The following TBC1D19 variants were observed in gnomAD, a reference collection of about 807,000 sequenced individuals.
TBC1D19 encodes the protein TBC1 domain family, member 19.
In TBC1D19, 60 loss-of-function variants were observed where a neutral mutation model predicts 89.0. The observed-to-expected ratio is 0.67, with a 90% confidence interval of 0.55 to 0.84. TBC1D19 has a LOEUF of 0.84. Among genes scored for constraint, TBC1D19 ranks in the 40% least tolerant of loss-of-function variants. The pLI is 0.00. For missense variants in TBC1D19, 500 were observed against 610.8 expected (o/e 0.82, Z 1.91); for synonymous variants, 189 against 199.7 (o/e 0.95, Z 0.45).
At chr4:26,749,421 T>G (rs937323973) in intron 19 of TBC1D19, among the ~76,000 whole-genome samples, 4 of 151,014 alleles carry the variant, frequency 2.6e-5, no homozygotes, top group African/African-American at 9.7e-5. Flanking sequence ...GAAGATTCTC[T>G]AGGTATCATA....
intron 15 of TBC1D19, among the ~76,000 whole-genome samples, chr4:26,728,022 C>G (rs1274803375): frequency 1.3e-5 from 2 of 152,202 alleles, no homozygotes; most frequent in South Asian, 2.1e-4. Context: ...CATGACTCAT[C>G]TTAATACTTG....
At chr4:26,702,987 A>C (rs182880631) in intron 13 of TBC1D19, among the ~76,000 whole-genome samples, 1 of 152,328 alleles carries the variant, frequency 6.6e-6, no homozygotes, top group Non-Finnish European at 1.5e-5. Context: ...ATTTCATTTC[A>C]TATAATGTCC....
At chr4:26,810,403 A>G in the TBC1D19 span, among the ~76,000 whole-genome samples, 1 of 152,182 alleles carries the variant, frequency 6.6e-6, no homozygotes, top group Admixed American at 6.5e-5. Context: ...TATCCAGGCC[A>G]CTTACAAGGC....
chr4:26,754,812 G>A, intron 20 of TBC1D19, 61 bp from the exon 21 acceptor site: 3 of 1,345,942 alleles, frequency 2.2e-6, no homozygotes, highest in South Asian at 2.7e-5. Context: ...TTGTAATTAT[G>A]TTTACCTTAT....
At chr4:26,649,818 C>T (rs959301887) in intron 7 of TBC1D19, among the ~76,000 whole-genome samples, 5 of 151,876 alleles carry the variant, frequency 3.3e-5, no homozygotes, top group Non-Finnish European at 5.9e-5. Context: ...CCCATTAACT[C>T]GTCATTTAAC....
At chr4:26,708,803 A>C (rs545555845) in intron 13 of TBC1D19, among the ~76,000 whole-genome samples, 1 of 151,798 alleles carries the variant, frequency 6.6e-6, no homozygotes, top group Non-Finnish European at 1.5e-5. Context: ...CAGCTCCATA[A>C]TTTCCTTTTG....
intron 1 of TBC1D19, among the ~76,000 whole-genome samples, chr4:26,589,150 C>T (rs940533346): frequency 4.6e-5 from 7 of 152,066 alleles, no homozygotes; most frequent in African/African-American, 1.7e-4. Context: ...TGGTGCATTC[C>T]TGTAATCCCA....
Position 26,584,424 on chromosome 4 carries a change from G to GACAAAAACAAAA in TBC1D19, c.99+157_99+168dup, listed in dbSNP as rs10535440. ...CGCTCTGGTGCTCAAAAAACAAACA[G>GACAAAAACAAAA]ACAAAAACAAAAACAAAAACAAAAA... On this transcript the variant is annotated intron_variant, in intron 1 of 20. Transcript: ENST00000264866. 90 of 705,428 alleles carry GACAAAAACAAAA rather than the reference G, an allele frequency of 1.3e-4. 2 individuals carry two copies. The highest frequency in any genetic ancestry group is 5.0e-4 in the South Asian group (26 of 52,238). 43.7% of individuals were successfully genotyped at this position (705,428 alleles called of 1,614,324 possible). A position where few individuals can be genotyped will look rare whatever the true frequency, so the allele number is the denominator to read the frequency against.
chr4:26,699,172 A>C (rs28793645), intron 13 of TBC1D19, among the ~76,000 whole-genome samples: 31 of 152,222 alleles, frequency 2.0e-4, no homozygotes, highest in African/African-American at 7.0e-4. Flanking sequence ...TACAAGAAAA[A>C]ACAAACAACC....
At chr4:26,802,420 G>T in the TBC1D19 span, among the ~76,000 whole-genome samples, 7 of 152,140 alleles carry the variant, frequency 4.6e-5, no homozygotes, top group African/African-American at 1.7e-4. Flanking sequence ...GGGCAACATG[G>T]TGAAACCCCA....
At chr4:26,679,282 C>A (rs949481776) in intron 11 of TBC1D19, among the ~76,000 whole-genome samples, 1 of 152,104 alleles carries the variant, frequency 6.6e-6, no homozygotes, top group African/African-American at 2.4e-5. Flanking sequence ...GGACATGGTG[C>A]CCTGTGTCCC....
chr4:26,700,868 G>C (rs1715264490), intron 13 of TBC1D19, among the ~76,000 whole-genome samples: 1 of 152,004 alleles, frequency 6.6e-6, no homozygotes, highest in Non-Finnish European at 1.5e-5. Flanking sequence ...TTTAATCCAT[G>C]TTCTACAGTA....
the TBC1D19 span, among the ~76,000 whole-genome samples, chr4:26,857,401 G>A: frequency 1.3e-5 from 2 of 152,218 alleles, no homozygotes; most frequent in South Asian, 4.1e-4. Context: ...ACATTCCAGG[G>A]CCACGCAGGG....
chr4:26,707,648 T>G (rs1364508473), intron 13 of TBC1D19, among the ~76,000 whole-genome samples: 2 of 151,698 alleles, frequency 1.3e-5, no homozygotes, highest in Non-Finnish European at 2.9e-5. Flanking sequence ...GTTGGGGTTT[T>G]TGTGTGTGTG....
intron 19 of TBC1D19, 145 bp from the exon 20 acceptor site, chr4:26,753,675 C>G (rs1719102539): frequency 1.4e-6 from 1 of 725,594 alleles, no homozygotes; most frequent in Non-Finnish European, 2.3e-6. Flanking sequence ...ATCACAAGAC[C>G]TTAATTCAGA....
intron 11 of TBC1D19, among the ~76,000 whole-genome samples, chr4:26,675,416 T>C (rs1464361473): frequency 1.3e-5 from 2 of 152,118 alleles, no homozygotes; most frequent in East Asian, 3.8e-4. Flanking sequence ...TTTAAGGTGA[T>C]TTTTACCCTT....
the TBC1D19 span, among the ~76,000 whole-genome samples, chr4:26,779,871 T>G: frequency 6.6e-6 from 1 of 152,238 alleles, no homozygotes; most frequent in Non-Finnish European, 1.5e-5. Flanking sequence ...ATCAGCAGGT[T>G]GTGTGGGACT....
In TBC1D19 at chr4:26,735,455, G is replaced by A; in HGVS notation, c.1085G>A (p.Gly362Asp). ...EEYAVFYPPNGVIPFHGFSMY... is the reference protein window; with the variant it reads ...EEYAVFYPPNDVIPFHGFSMY... Reference sequence around the variant, plus strand: ...AAAAGAAATACCTTTTTTTTTTTAGGTGTTATCCCTTTTCATGGATTTTCA... The same window carrying A: ...AAAAGAAATACCTTTTTTTTTTTAGATGTTATCCCTTTTCATGGATTTTCA... The change falls in exon 16 of 21, where the codon GGT (glycine) becomes GAT (aspartate). Residue 362 changes from glycine to aspartate, a missense_variant and splice_region_variant. Gly to Asp is a moderately conservative substitution (Grantham distance 94). Around this residue, in one of 2 missense-constraint regions of TBC1D19, gnomAD observed 220 missense variants for 319.1 expected, o/e 0.69. Transcript: ENST00000264866. The A allele has an allele frequency of 1.3e-6, 2 of 1,539,574 alleles. No homozygotes were observed. Among genetic ancestry groups the A allele is most frequent in the Non-Finnish European group, 1.8e-6 (2 of 1,138,778 alleles).
chr4:26,686,481 A>C (rs1415708732), intron 12 of TBC1D19, among the ~76,000 whole-genome samples: 1 of 152,078 alleles, frequency 6.6e-6, no homozygotes, highest in African/African-American at 2.4e-5. Context: ...CATTTACTAT[A>C]ATCTGATAAT....
Sources: allele counts gnomAD v4.1 joint callset (sites outside exome capture counted in the v4.1 genomes callset), GRCh38; gene constraint gnomAD v4.1.1; regional missense constraint gnomAD v4.1.1; transcripts MANE v1.5; gene names NCBI Gene and HGNC (gene_info 2026-07-23, HGNC 2026-07-21).